Variants in SLC45A4 observed in about 807,000 individuals in gnomAD.
SLC45A4 encodes polyamine-transporter SLC45A4.
Under a neutral mutation model 63.7 loss-of-function variants are expected in SLC45A4, and 32 were observed. The observed-to-expected ratio is 0.50, with a 90% CI of 0.38 to 0.67. The LOEUF is 0.67. Among genes scored for constraint, SLC45A4 ranks in the 30% least tolerant of loss-of-function variants. The pLI, the probability that SLC45A4 is intolerant of heterozygous loss-of-function variation, is 0.00. For synonymous variants in SLC45A4, 535 were observed against 510.0 expected, an observed-to-expected ratio of 1.05 and a Z score of -0.66; for missense variants, 1,027 against 1,157.7, an observed-to-expected ratio of 0.89 and a Z score of 1.64.
rs974531331 is a variant in SLC45A4 at position 141,229,312 on chromosome 8, C to T, written c.242-7547G>A. Among the ~76,000 whole-genome samples the T allele has an allele frequency of 1.1e-4, 17 of 152,142 alleles. No homozygotes were observed. Among genetic ancestry groups the T allele is most frequent in the African/African-American group, 3.9e-4 (16 of 41,424 alleles). On this transcript the variant is annotated intron_variant, in intron 2 of 8. Transcript: ENST00000517878. The surrounding 1 kb of genome is among the most constrained non-coding windows in gnomAD (Gnocchi z 5.0). ...CCCTCAAAGTCCTGCCTCATGCCTG[C>T]AGCCCACAACACCCTACCCTACCCA...
At chr8:141,271,135 C>G (rs145433686) in intron 1 of SLC45A4, among the ~76,000 whole-genome samples, 1 of 152,240 alleles carries the variant, frequency 6.6e-6, no homozygotes, top group Non-Finnish European at 1.5e-5. Context: ...GCCCAGCACA[C>G]GGGGCTAACC....
intron 1 of SLC45A4, among the ~76,000 whole-genome samples, chr8:141,268,828 G>A (rs547679246): frequency 3.4e-4 from 52 of 152,170 alleles, no homozygotes; most frequent in Admixed American, 1.4e-3. Flanking sequence ...TCGTGGAGGC[G>A]CCCATCTCCG....
intron 1 of SLC45A4, among the ~76,000 whole-genome samples, chr8:141,269,320 C>T (rs890333218): frequency 2.0e-4 from 30 of 152,224 alleles, no homozygotes; most frequent in South Asian, 6.2e-4. Flanking sequence ...CAGGGCACTT[C>T]AGAAACCGAA....
In SLC45A4 at chr8:141,237,755, G is replaced by A. The variant is rs1422298198; in HGVS notation, c.242-15990C>T. ...CTCTCAGCACGCTTCTCACCTCACCGAACTGGGAGCGCCAGGTCACGTGCT... is the reference window on the plus strand; with the variant it reads ...CTCTCAGCACGCTTCTCACCTCACCAAACTGGGAGCGCCAGGTCACGTGCT... On this transcript the variant is annotated intron_variant, in intron 2 of 8. Coordinates refer to ENST00000517878, the MANE Select transcript of SLC45A4 (RefSeq NM_001286646.2). Among the ~76,000 whole-genome samples, 5 of 152,146 alleles carry A rather than the reference G, an allele frequency of 3.3e-5. No individual in the cohort carries two copies. In the South Asian group the frequency reaches 6.2e-4, roughly 19 times the overall value.
intron 2 of SLC45A4, chr8:141,230,256 G>A (rs1265581822): frequency 5.2e-6 from 2 of 383,278 alleles, no homozygotes; most frequent in African/African-American, 4.2e-5. Context: ...GGCCCTGGAG[G>A]TCTTTAAAGT....
At chr8:141,289,537 G>A (rs981716945) in intron 1 of SLC45A4, among the ~76,000 whole-genome samples, 2 of 152,190 alleles carry the variant, frequency 1.3e-5, no homozygotes, top group Admixed American at 6.5e-5. Context: ...GCAGAGAGGC[G>A]ATTTGTACAA....
chr8:141,251,507 C>T (rs559870004), intron 2 of SLC45A4, among the ~76,000 whole-genome samples: 1 of 151,982 alleles, frequency 6.6e-6, no homozygotes, highest in East Asian at 2.0e-4. Context: ...CCTCCGTGCC[C>T]TAGGATATGA....
chr8:141,263,281 G>A (rs1448339523), intron 1 of SLC45A4, among the ~76,000 whole-genome samples: 2 of 151,580 alleles, frequency 1.3e-5, no homozygotes, highest in East Asian at 1.9e-4. Flanking sequence ...GAGTTAATGG[G>A]TGCAGCACAC....
chr8:141,235,928 C>T (rs1391936241), intron 2 of SLC45A4, among the ~76,000 whole-genome samples: 1 of 152,054 alleles, frequency 6.6e-6, no homozygotes, highest in Non-Finnish European at 1.5e-5. Context: ...ATGGTGAAAC[C>T]CCGTCTCTAC....
chr8:141,265,747 T>G (rs1829241455), intron 1 of SLC45A4, among the ~76,000 whole-genome samples: 1 of 152,178 alleles, frequency 6.6e-6, no homozygotes, highest in Admixed American at 6.5e-5. Context: ...AGTTAAGCTG[T>G]GACCTGTTCT....
intron 1 of SLC45A4, among the ~76,000 whole-genome samples, chr8:141,286,205 C>G (rs1365866090): frequency 6.6e-6 from 1 of 152,188 alleles, no homozygotes; most frequent in African/African-American, 2.4e-5. Flanking sequence ...GTGCCCACAG[C>G]CCCTCCTCGG....
chr8:141,277,800 C>T (rs1366361114), intron 1 of SLC45A4, among the ~76,000 whole-genome samples: 4 of 151,980 alleles, frequency 2.6e-5, no homozygotes, highest in Non-Finnish European at 4.4e-5. Context: ...CCACCACGCC[C>T]GGCTAATTTT....
chr8:141,245,485 A>T (rs1218659469), intron 2 of SLC45A4, among the ~76,000 whole-genome samples: 1 of 152,196 alleles, frequency 6.6e-6, no homozygotes, highest in Admixed American at 6.5e-5. Flanking sequence ...CAGGGTTCCC[A>T]GAGCCCCCTT....
chr8:141,221,431 C>A (rs1406358024), intron 3 of SLC45A4, 146 bp downstream of exon 3: 19 of 1,039,846 alleles, frequency 1.8e-5, no homozygotes, highest in Non-Finnish European at 2.5e-5. Flanking sequence ...GGGGTGGTCA[C>A]CGCCAGGGTG....
chr8:141,212,575 G>A lies in SLC45A4; in HGVS notation c.1942-19C>T, dbSNP rs756700238. On this transcript the variant is annotated intron_variant, in intron 7 of 8. Transcript: ENST00000517878. ...GGATGTACTGCAAGAGAGGAAACACGAGGCGGTGAGCGGCTGGAGAAGGTG... is the reference window on the plus strand; with the variant it reads ...GGATGTACTGCAAGAGAGGAAACACAAGGCGGTGAGCGGCTGGAGAAGGTG... 5.5e-5 allele frequency: 87 copies of A among 1,578,540 alleles called. No homozygotes were observed. Among genetic ancestry groups the A allele is most frequent in the Middle Eastern group, 3.4e-4 (2 of 5,944 alleles).
rs551753332 is a variant in SLC45A4, at chr8:141,209,716, T to C, written c.*1856A>G. ...CTGGCACTGGCTTCCGGCACGTTCA[T>C]ACCCTGACAGTGACTGTGGCAAGGC... On this transcript the variant is annotated 3_prime_UTR_variant, in exon 9 of 9. Transcript: ENST00000517878. 1.3e-5 allele frequency: 2 copies of C among 152,314 alleles called. No individual in the cohort carries two copies. Among genetic ancestry groups the C allele is most frequent in the African/African-American group, 2.4e-5 (1 of 41,470 alleles). 9.4% of individuals were successfully genotyped at this position (152,314 alleles called of 1,614,324 possible).
intron 1 of SLC45A4, among the ~76,000 whole-genome samples, chr8:141,259,289 G>A (rs1351940320): frequency 2.6e-5 from 4 of 152,192 alleles, no homozygotes; most frequent in Admixed American, 6.5e-5. Flanking sequence ...ACGGCTTCAC[G>A]CCTTGGGACA....
intron 1 of SLC45A4, among the ~76,000 whole-genome samples, chr8:141,269,204 G>T (rs1829412028): frequency 6.6e-6 from 1 of 152,230 alleles, no homozygotes; most frequent in African/African-American, 2.4e-5. Context: ...TCACCCTCAA[G>T]AGTGTCCCAG....
chr8:141,219,982 A>G (rs1356380261), intron 3 of SLC45A4, among the ~76,000 whole-genome samples, 153 bp from the exon 4 acceptor site: 6 of 152,226 alleles, frequency 3.9e-5, no homozygotes. Flanking sequence ...TTAGGCACAG[A>G]GGCAGCGGAA....
Sources: gnomAD v4.1 joint callset for allele counts (sites outside exome capture counted in the v4.1 genomes callset) on GRCh38, gnomAD v4.1.1 for gene constraint, Gnocchi (gnomAD v3.1) non-coding constraint, MANE v1.5 for transcripts, NCBI Gene and HGNC (gene_info 2026-07-23, HGNC 2026-07-21) for gene names.